The following PCOLCE2 variants were observed in gnomAD, a reference collection of about 807,000 sequenced individuals.
PCOLCE2 encodes procollagen C-endopeptidase enhancer 2, also known as procollagen C-proteinase enhancer 2.
Under a neutral mutation model 47.0 loss-of-function variants are expected in PCOLCE2, and 42 were observed. The ratio of observed to expected loss-of-function variants is 0.89; its 90% confidence interval spans 0.70 to 1.16. The LOEUF is 1.16. Among genes scored for constraint, PCOLCE2 ranks in the 50% most tolerant of loss-of-function variants. The pLI, the probability that PCOLCE2 is intolerant of heterozygous loss-of-function variation, is 0.00. For synonymous variants in PCOLCE2, 169 were observed against 191.7 expected (o/e 0.88, Z 0.98); for missense variants, 500 against 526.1 (o/e 0.95, Z 0.49).
chr3:142,877,158 T>C (rs1450818119), intron 2 of PCOLCE2, among the ~76,000 whole-genome samples: 1 of 152,218 alleles, frequency 6.6e-6, no homozygotes, highest in Non-Finnish European at 1.5e-5. Context: ...AGAAAATTAT[T>C]TGCAATTTTT....
At chr3:142,823,316 T>A (rs905426803) in intron 7 of PCOLCE2, among the ~76,000 whole-genome samples, 3 of 152,140 alleles carry the variant, frequency 2.0e-5, no homozygotes, top group Admixed American at 2.0e-4. Context: ...GTCAAATTAT[T>A]AAGCTTATAT....
chr3:142,843,884 T>C (rs1937295766), intron 3 of PCOLCE2, among the ~76,000 whole-genome samples: 1 of 152,188 alleles, frequency 6.6e-6, no homozygotes, highest in East Asian at 1.9e-4. Flanking sequence ...GATAATGTAT[T>C]ATAAAAATGG....
chr3:142,849,057 G>T (rs1164218347), intron 2 of PCOLCE2, among the ~76,000 whole-genome samples: 1 of 152,052 alleles, frequency 6.6e-6, no homozygotes, highest in Non-Finnish European at 1.5e-5. Flanking sequence ...GGAGGCTGAG[G>T]CAGGAGAATG....
chr3:142,856,317 CCT>C (rs1489608313), intron 2 of PCOLCE2, among the ~76,000 whole-genome samples: 1 of 152,188 alleles, frequency 6.6e-6, no homozygotes, highest in Non-Finnish European at 1.5e-5. Context: ...CCCTCGAGCC[CCT>C]GTTATCACCT....
At chr3:142,857,409 C>G (rs1169533899) in intron 2 of PCOLCE2, among the ~76,000 whole-genome samples, 8 of 152,144 alleles carry the variant, frequency 5.3e-5, no homozygotes, top group Non-Finnish European at 8.8e-5. Context: ...TCAAGGAGAA[C>G]TCCGGGCACT....
intron 4 of PCOLCE2, among the ~76,000 whole-genome samples, chr3:142,839,338 G>A (rs1377418169): frequency 6.6e-6 from 1 of 150,910 alleles, no homozygotes; most frequent in Admixed American, 6.6e-5. Flanking sequence ...TTGAGACAGA[G>A]TTTCACTCTT....
intron 7 of PCOLCE2, among the ~76,000 whole-genome samples, chr3:142,822,740 G>A (rs1486415349): frequency 6.6e-6 from 1 of 152,166 alleles, no homozygotes; most frequent in Non-Finnish European, 1.5e-5. Context: ...AGTCTTCAGT[G>A]TCTTCACACC....
chr3:142,826,181 ATT>A (rs554415482), intron 6 of PCOLCE2, among the ~76,000 whole-genome samples: 12 of 151,230 alleles, frequency 7.9e-5, no homozygotes, highest in Non-Finnish European at 1.3e-4. Context: ...ATTTTTTTGT[ATT>A]TTTTTAGTAG....
intron 2 of PCOLCE2, among the ~76,000 whole-genome samples, chr3:142,853,084 T>TAG (rs886759732): frequency 1.2e-4 from 16 of 136,858 alleles, no homozygotes; most frequent in Non-Finnish European, 1.8e-4. Context: ...GCCTGGAGAA[T>TAG]AGAGAGAGAC....
chr3:142,834,076 G>A (rs1250479721), intron 5 of PCOLCE2, among the ~76,000 whole-genome samples: 1 of 152,088 alleles, frequency 6.6e-6, no homozygotes, highest in Non-Finnish European at 1.5e-5. Flanking sequence ...CTGACTGATG[G>A]TTCTCTGTGA....
intron 5 of PCOLCE2, among the ~76,000 whole-genome samples, chr3:142,837,728 T>C (rs899421514): frequency 1.3e-5 from 2 of 152,224 alleles, no homozygotes; most frequent in Non-Finnish European, 2.9e-5. Flanking sequence ...GAAATAGTTA[T>C]ATATTGCAGT....
Position 142,870,598 on chromosome 3 carries a change from T to C in PCOLCE2, c.192+17071A>G, listed in dbSNP as rs79125739. On this transcript the variant is annotated intron_variant, in intron 2 of 8. Transcript: ENST00000295992. The stretch of plus-strand genomic sequence containing the variant: ...AAAATTGTGGCATTTTGGTTCGGAA[T>C]AATAGGCTCAGGCTAGGAAAGAAAC... Among the ~76,000 whole-genome samples the C allele has an allele frequency of 1.5e-3, 225 of 152,040 alleles. 1 individual carries two copies. Among genetic ancestry groups the C allele is most frequent in the Admixed American group, 0.01 (158 of 15,272 alleles).
intron 5 of PCOLCE2, among the ~76,000 whole-genome samples, chr3:142,836,425 C>G (rs941721771): frequency 6.6e-6 from 1 of 152,234 alleles, no homozygotes; most frequent in South Asian, 2.1e-4. Flanking sequence ...GGAACTGGCA[C>G]ATGCCCCGGG....
At chr3:142,818,647 T>C (rs761837176) in intron 8 of PCOLCE2, among the ~76,000 whole-genome samples, 182 bp from the exon 9 acceptor site, 1 of 152,198 alleles carries the variant, frequency 6.6e-6, no homozygotes, top group Non-Finnish European at 1.5e-5. Context: ...GGTCTTGCCA[T>C]GTTCCCCAGG....
At chr3:142,845,890 G>A (rs986701603) in intron 3 of PCOLCE2, among the ~76,000 whole-genome samples, 5 of 152,088 alleles carry the variant, frequency 3.3e-5, no homozygotes, top group African/African-American at 9.7e-5. Flanking sequence ...CACAAAAATC[G>A]CTTGAACCTG....
chr3:142,825,100 C>A (rs1323651765), intron 6 of PCOLCE2, among the ~76,000 whole-genome samples: 1 of 152,108 alleles, frequency 6.6e-6, no homozygotes, highest in Non-Finnish European at 1.5e-5. Context: ...GAGAGACATA[C>A]CATTGTTCCA....
Position 142,888,975 on chromosome 3 carries a change from A to C in PCOLCE2, c.-79T>G, listed in dbSNP as rs1578055753. ...GCCCCTCCGCACCCACCGCGCTCACACCGCCGCTCACACTGGCAGCAGCGC... is the reference window on the plus strand; with the variant it reads ...GCCCCTCCGCACCCACCGCGCTCACCCCGCCGCTCACACTGGCAGCAGCGC... On this transcript the variant is annotated 5_prime_UTR_variant, in exon 1 of 9. Coordinates refer to ENST00000295992, the MANE Select transcript of PCOLCE2 (RefSeq NM_013363.4). The C allele has an allele frequency of 5.0e-6, 2 of 396,308 alleles. No homozygotes were observed. Among genetic ancestry groups the C allele is most frequent in the Non-Finnish European group, 4.2e-6 (1 of 237,764 alleles). 24.5% of individuals were successfully genotyped at this position (396,308 alleles called of 1,614,324 possible). A position where few individuals can be genotyped will look rare whatever the true frequency, so the allele number is the denominator to read the frequency against.
intron 2 of PCOLCE2, among the ~76,000 whole-genome samples, chr3:142,861,566 T>A (rs1165280361): frequency 6.6e-6 from 1 of 152,240 alleles, no homozygotes; most frequent in Non-Finnish European, 1.5e-5. Flanking sequence ...GTTTTTAGTA[T>A]CCTGCTTTGA....
At position 142,849,139 on chromosome 3, in the gene PCOLCE2, C is replaced by T. The variant is rs192495907; in HGVS notation, c.193-667G>A. 1.1e-4 allele frequency among the ~76,000 whole-genome samples: 15 copies of T among 135,154 alleles called. No individual in the cohort carries two copies. In the East Asian group the frequency reaches 2.0e-3, roughly 18 times the overall value. 88.7% of individuals were successfully genotyped at this position (135,154 alleles called of 152,430 possible). ...CTGCACTCCAGCCTGGGTGACAGAGCGAGACTCCACCTCAAAAAAAAAAAA... is the reference window on the plus strand; with the variant it reads ...CTGCACTCCAGCCTGGGTGACAGAGTGAGACTCCACCTCAAAAAAAAAAAA... On this transcript the variant is annotated intron_variant, in intron 2 of 8. Coordinates refer to ENST00000295992, the MANE Select transcript of PCOLCE2 (RefSeq NM_013363.4).
Sources: gnomAD v4.1 joint callset for allele counts (sites outside exome capture counted in the v4.1 genomes callset) on GRCh38, gnomAD v4.1.1 for gene constraint, MANE v1.5 for transcripts, NCBI Gene and HGNC (gene_info 2026-07-23, HGNC 2026-07-21) for gene names.